Variants in UQCC1 observed in about 807,000 individuals in gnomAD.
The protein encoded by UQCC1 is bFGF-repressed Zic-binding protein.
UQCC1 carries 38 observed loss-of-function variants against 48.0 expected under a neutral mutation model. The ratio of observed to expected loss-of-function variants is 0.79; its 90% CI spans 0.61 to 1.04. UQCC1 has a LOEUF of 1.04. Ranked by LOEUF, UQCC1 falls within the 50% of genes least tolerant of loss-of-function variation. The pLI, the probability that UQCC1 is intolerant of heterozygous loss-of-function variation, is 0.00. For synonymous variants in UQCC1, 111 were observed against 129.2 expected, an observed-to-expected ratio of 0.86 and a Z score of 0.95; for missense variants, 368 against 381.8, an observed-to-expected ratio of 0.96 and a Z score of 0.30.
intron 5 of UQCC1, among the ~76,000 whole-genome samples, chr20:35,368,895 G>A (rs894301018): frequency 6.6e-6 from 1 of 152,170 alleles, no homozygotes; most frequent in Admixed American, 6.5e-5. Flanking sequence ...CTGAGAATGG[G>A]CCAACCACCC....
chr20:35,395,560 G>C (rs975794482), intron 1 of UQCC1, among the ~76,000 whole-genome samples: 3 of 151,230 alleles, frequency 2.0e-5, no homozygotes, highest in Non-Finnish European at 4.4e-5. Context: ...AGGGTTTCAA[G>C]AGCTCTGTGC....
intron 7 of UQCC1, among the ~76,000 whole-genome samples, chr20:35,321,435 T>G (rs773387319): frequency 3.3e-5 from 5 of 152,222 alleles, no homozygotes; most frequent in Non-Finnish European, 7.3e-5. Flanking sequence ...AAATAGAGTA[T>G]GTTCCCGTTG....
chr20:35,360,839 A>G (rs2061597950), intron 6 of UQCC1, among the ~76,000 whole-genome samples: 1 of 152,188 alleles, frequency 6.6e-6, no homozygotes, highest in Non-Finnish European at 1.5e-5. Context: ...TGCTGTGCTC[A>G]TATGACATGT....
At chr20:35,409,636 A>ATG (rs1261872705) in intron 1 of UQCC1, among the ~76,000 whole-genome samples, 2 of 152,316 alleles carry the variant, frequency 1.3e-5, no homozygotes, top group South Asian at 2.1e-4. Context: ...AACCATAAGC[A>ATG]TGTCCAGTTC....
intron 2 of UQCC1, among the ~76,000 whole-genome samples, chr20:35,390,083 C>CA (rs1345517969): frequency 6.6e-6 from 1 of 152,098 alleles, no homozygotes; most frequent in East Asian, 1.9e-4. Flanking sequence ...TATAAAAGAA[C>CA]AAAAACTGTA....
At chr20:35,384,015 C>G (rs766840597) in intron 3 of UQCC1, 23 bp downstream of exon 3, 8 of 1,592,432 alleles carry the variant, frequency 5.0e-6, no homozygotes, top group Non-Finnish European at 6.0e-6. Context: ...TCTATAAACA[C>G]AGAATGCACT....
At chr20:35,354,214 T>C (rs950749298) in intron 6 of UQCC1, among the ~76,000 whole-genome samples, 41 of 152,266 alleles carry the variant, frequency 2.7e-4, no homozygotes, top group African/African-American at 9.1e-4. Context: ...CATGACTGAA[T>C]TTACTTTAAT....
chr20:35,392,276 A>T (rs1162691823), intron 2 of UQCC1: 1 of 1,304,384 alleles, frequency 7.7e-7, no homozygotes, highest in Admixed American at 2.3e-5. Context: ...CAACCAGGGG[A>T]CCTCAAAGAT....
chr20:35,306,477 C>T (rs763220946), intron 9 of UQCC1, 189 bp downstream of exon 9: 6 of 570,272 alleles, frequency 1.1e-5, no homozygotes, highest in South Asian at 2.0e-5. Context: ...TCCCATTTCC[C>T]GCTCCCTGGC....
chr20:35,375,838 C>T (rs1347770143), intron 4 of UQCC1, among the ~76,000 whole-genome samples: 1 of 150,906 alleles, frequency 6.6e-6, no homozygotes, highest in Non-Finnish European at 1.5e-5. Context: ...CCTATAGTAC[C>T]AGCTACTCAG....
intron 7 of UQCC1, among the ~76,000 whole-genome samples, chr20:35,343,036 C>G (rs973585616): frequency 6.6e-6 from 1 of 152,150 alleles, no homozygotes; most frequent in African/African-American, 2.4e-5. Flanking sequence ...TCATCACTAA[C>G]TCGAAAGTGG....
intron 6 of UQCC1, among the ~76,000 whole-genome samples, chr20:35,363,109 A>G (rs1025675229): frequency 6.6e-6 from 1 of 152,160 alleles, no homozygotes; most frequent in African/African-American, 2.4e-5. Flanking sequence ...TAAATTTTAC[A>G]GAACTTCTGT....
chr20:35,308,458 G>T (rs1367845657), intron 8 of UQCC1, among the ~76,000 whole-genome samples: 1 of 152,252 alleles, frequency 6.6e-6, no homozygotes, highest in Non-Finnish European at 1.5e-5. Flanking sequence ...GATTGGGAGC[G>T]CGTGTTATGG....
At chr20:35,353,956 A>G (rs1281289649) in intron 6 of UQCC1, among the ~76,000 whole-genome samples, 2 of 152,162 alleles carry the variant, frequency 1.3e-5, no homozygotes, top group Non-Finnish European at 2.9e-5. Context: ...TTGCATTTTT[A>G]CTGTACTTTT....
chr20:35,411,792 C>T (rs1232644674), intron 1 of UQCC1, 148 bp downstream of exon 1: 1 of 1,065,408 alleles, frequency 9.4e-7, no homozygotes, highest in East Asian at 2.4e-5. Flanking sequence ...CGGAAGCTGC[C>T]TCAGTTTCCC....
At chr20:35,333,803 G>C (rs909318691) in intron 7 of UQCC1, among the ~76,000 whole-genome samples, 2 of 151,530 alleles carry the variant, frequency 1.3e-5, no homozygotes, top group African/African-American at 4.8e-5. Flanking sequence ...GAAAACTCTT[G>C]GCTGCAACGT....
intron 6 of UQCC1, among the ~76,000 whole-genome samples, chr20:35,359,355 C>G (rs2061580857): frequency 6.6e-6 from 1 of 152,148 alleles, no homozygotes; most frequent in Non-Finnish European, 1.5e-5. Flanking sequence ...CTTTTTCTCC[C>G]ATTCTGTGAT....
chr20:35,309,275 T>A (rs562846790), intron 8 of UQCC1: 219 of 427,226 alleles, frequency 5.1e-4, no homozygotes, highest in Admixed American at 1.0e-3. Context: ...CACAAAAAAA[T>A]ATAAAAATTA....
At chr20:35,307,007 A>AG in intron 8 of UQCC1, 2 of 557,702 alleles carry the variant, frequency 3.6e-6, no homozygotes, top group Non-Finnish European at 6.6e-6. Context: ...GGGGGTCCAG[A>AG]GGGGCCAAGC....
Sources: gnomAD v4.1 joint callset for allele counts (sites outside exome capture counted in the v4.1 genomes callset) on GRCh38, gnomAD v4.1.1 for gene constraint, MANE v1.5 for transcripts, NCBI Gene and HGNC (gene_info 2026-07-23, HGNC 2026-07-21) for gene names.